Variants in ZBTB20 observed in about 807,000 individuals in gnomAD.
The protein encoded by ZBTB20 is zinc finger and BTB domain containing 20.
In ZBTB20, 9 loss-of-function variants were observed where a neutral mutation model predicts 56.9. The ratio of observed to expected loss-of-function variants is 0.16; its 90% confidence interval spans 0.10 to 0.28. The LOEUF is 0.28. Among genes scored for constraint, ZBTB20 ranks in the 10% least tolerant of loss-of-function variants. The pLI is 1.00. For missense variants in ZBTB20, 655 were observed against 1,003.0 expected (o/e 0.65, Z 4.69); for synonymous variants, 417 against 420.7 (o/e 0.99, Z 0.11).
At chr3:114,876,202 G>A (rs1430585626) in intron 4 of ZBTB20, 1 of 151,612 alleles carries the variant, frequency 6.6e-6, no homozygotes, top group Middle Eastern at 3.2e-3. Flanking sequence ...GTTCTTTAGT[G>A]GTGATTTGTG....
rs35607205 is a variant in ZBTB20 at position 115,118,703 on chromosome 3, A to ATTTTTTTTTTT, written c.-703+28505_-703+28515dup. Among the ~76,000 whole-genome samples the ATTTTTTTTTTT allele has an allele frequency of 1.9e-3, 159 of 82,220 alleles. 7 individuals carry two copies. The highest frequency in any genetic ancestry group is 4.8e-3 in the South Asian group (9 of 1,888). 53.9% of individuals were successfully genotyped at this position (82,220 alleles called of 152,430 possible). A position where few individuals can be genotyped will look rare whatever the true frequency, so the allele number is the denominator to read the frequency against. On this transcript the variant is annotated intron_variant, in intron 1 of 11. Coordinates refer to ENST00000675478, the MANE Select transcript of ZBTB20 (RefSeq NM_001348800.3). ...GGACCTAAAACTTTACCTGGTACAA[A>ATTTTTTTTTTT]TTTTTTTTTTTTTTTTTTTTTTTTT...
chr3:114,734,969 A>C (rs2108561632), intron 5 of ZBTB20, among the ~76,000 whole-genome samples: 1 of 152,106 alleles, frequency 6.6e-6, no homozygotes, highest in East Asian at 1.9e-4. Flanking sequence ...AAACTTATGC[A>C]GATATGGGGA....
chr3:114,517,425 A>G (rs974475006), intron 6 of ZBTB20, among the ~76,000 whole-genome samples: 1 of 152,180 alleles, frequency 6.6e-6, no homozygotes, highest in African/African-American at 2.4e-5. Flanking sequence ...GATAGCGAAC[A>G]TGTTACTTCA....
intron 1 of ZBTB20, among the ~76,000 whole-genome samples, chr3:115,146,958 G>A (rs1470883803): frequency 6.6e-6 from 1 of 150,770 alleles, no homozygotes; most frequent in Admixed American, 6.6e-5. Context: ...GCAGCCGCCG[G>A]GCGCTAAGAA....
intron 10 of ZBTB20, among the ~76,000 whole-genome samples, chr3:114,360,297 T>C (rs954501558): frequency 2.0e-5 from 3 of 152,040 alleles, no homozygotes; most frequent in Non-Finnish European, 4.4e-5. Context: ...GACCGCTGTT[T>C]TTCAAGAGTA....
At chr3:114,465,535 C>T (rs1184845323) in intron 7 of ZBTB20, among the ~76,000 whole-genome samples, 7 of 152,000 alleles carry the variant, frequency 4.6e-5, no homozygotes, top group African/African-American at 1.4e-4. Flanking sequence ...GATGAAACCC[C>T]GTTTCTACTA....
chr3:114,467,240 C>G (rs2092591236), intron 7 of ZBTB20, among the ~76,000 whole-genome samples: 1 of 152,142 alleles, frequency 6.6e-6, no homozygotes, highest in Non-Finnish European at 1.5e-5. Context: ...CAGGCCAGGA[C>G]TAGATACTTA....
chr3:114,793,909 C>T lies in ZBTB20; in HGVS notation c.-343+7192G>A, dbSNP rs577982448. 4.6e-5 allele frequency among the ~76,000 whole-genome samples: 7 copies of T among 152,030 alleles called. No individual in the cohort carries two copies. The South Asian group carries it at 1.5e-3, about 32-fold the overall frequency. ...AATGTGAAGAGTTTTATGGAGAGGGCATCTGCTAAATGTAACTATTTTTCT... is the reference window on the plus strand; with the variant it reads ...AATGTGAAGAGTTTTATGGAGAGGGTATCTGCTAAATGTAACTATTTTTCT... On this transcript the variant is annotated intron_variant, in intron 5 of 11. Coordinates refer to ENST00000675478, the MANE Select transcript of ZBTB20 (RefSeq NM_001348800.3).
intron 4 of ZBTB20, among the ~76,000 whole-genome samples, chr3:114,855,994 G>C (rs1214682030): frequency 1.3e-5 from 2 of 152,164 alleles, no homozygotes; most frequent in African/African-American, 4.8e-5. Flanking sequence ...TTAGGGTATA[G>C]AGAGTGAAAA....
intron 5 of ZBTB20, among the ~76,000 whole-genome samples, chr3:114,766,107 T>G (rs2068766965): frequency 6.6e-6 from 1 of 152,102 alleles, no homozygotes; most frequent in Admixed American, 6.6e-5. Context: ...GGGGTTTGAA[T>G]CTACATAAAA....
intron 6 of ZBTB20, among the ~76,000 whole-genome samples, chr3:114,528,102 A>G (rs984925209): frequency 6.6e-6 from 1 of 151,414 alleles, no homozygotes; most frequent in African/African-American, 2.4e-5. Flanking sequence ...TATGATTTTT[A>G]AAAGTAGAGA....
At chr3:114,896,383 G>A (rs939848880) in intron 4 of ZBTB20, among the ~76,000 whole-genome samples, 13 of 152,104 alleles carry the variant, frequency 8.5e-5, no homozygotes, top group South Asian at 2.1e-4. Flanking sequence ...CAGGCAAAAT[G>A]TGGTATATAC....
At chr3:114,616,108 G>C (rs1043122156) in intron 6 of ZBTB20, among the ~76,000 whole-genome samples, 1 of 152,190 alleles carries the variant, frequency 6.6e-6, no homozygotes, top group African/African-American at 2.4e-5. Flanking sequence ...CCATGTTTCA[G>C]TGAACACAGA....
chr3:114,958,533 ACCTT>A (rs1354070341), intron 3 of ZBTB20, among the ~76,000 whole-genome samples: 9 of 152,062 alleles, frequency 5.9e-5, no homozygotes, highest in Admixed American at 5.2e-4. Flanking sequence ...AATCTTAGTT[ACCTT>A]TCCCTAGCTT....
intron 5 of ZBTB20, among the ~76,000 whole-genome samples, chr3:114,782,065 T>C (rs1026686488): frequency 6.6e-6 from 1 of 152,210 alleles, no homozygotes; most frequent in Non-Finnish European, 1.5e-5. Flanking sequence ...ATACATCTTC[T>C]GATATGGAGA....
At chr3:114,817,204 C>T (rs1021092739) in intron 4 of ZBTB20, among the ~76,000 whole-genome samples, 1 of 151,328 alleles carries the variant, frequency 6.6e-6, no homozygotes, top group Non-Finnish European at 1.5e-5. Context: ...CACACACACA[C>T]ACACACACAC....
At chr3:115,002,421 G>A (rs1363308102) in intron 2 of ZBTB20, among the ~76,000 whole-genome samples, 1 of 151,456 alleles carries the variant, frequency 6.6e-6, no homozygotes, top group Non-Finnish European at 1.5e-5. Flanking sequence ...ACAAATCACA[G>A]ACTAGAAGAA....
At chr3:114,354,325 A>AT (rs891019917) in intron 10 of ZBTB20, among the ~76,000 whole-genome samples, 4 of 152,140 alleles carry the variant, frequency 2.6e-5, no homozygotes, top group South Asian at 2.1e-4. Context: ...TTATTACAAC[A>AT]TTTTTTTCTA....
In ZBTB20 at chr3:114,532,353, G is replaced by T. The variant is rs191483271; in HGVS notation, c.-294-31962C>A. Among the ~76,000 whole-genome samples, 217 of 152,308 alleles carry T rather than the reference G, an allele frequency of 1.4e-3. 1 individual carries two copies. Among genetic ancestry groups the T allele is most frequent in the African/African-American group, 5.0e-3 (208 of 41,574 alleles). ...TTAAGTAGGTGGTTTTCCCCTCACA[G>T]TGAAAACAAAGCCACCAGGAAGTTC... On this transcript the variant is annotated intron_variant, in intron 6 of 11. Coordinates refer to ENST00000675478, the MANE Select transcript of ZBTB20 (RefSeq NM_001348800.3).
Sources: gnomAD v4.1 joint callset for allele counts (sites outside exome capture counted in the v4.1 genomes callset) on GRCh38, gnomAD v4.1.1 for gene constraint, MANE v1.5 for transcripts, NCBI Gene and HGNC (gene_info 2026-07-23, HGNC 2026-07-21) for gene names.